Variants in KHDRBS2 observed in about 807,000 individuals in gnomAD.
The protein encoded by KHDRBS2 is KH domain-containing, RNA-binding, signal transduction-associated protein 2.
Under a neutral mutation model 44.3 loss-of-function variants are expected in KHDRBS2, and 26 were observed. The observed-to-expected ratio is 0.59, with a 90% confidence interval of 0.43 to 0.81. The LOEUF (loss-of-function observed/expected upper bound fraction) is 0.81. Ranked by LOEUF, KHDRBS2 falls within the 40% of genes least tolerant of loss-of-function variation. The pLI, the probability that KHDRBS2 is intolerant of heterozygous loss-of-function variation, is 0.00. For synonymous variants in KHDRBS2, 194 were observed against 151.1 expected, an observed-to-expected ratio of 1.28 and a Z score of -2.08; for missense variants, 476 against 433.1, an observed-to-expected ratio of 1.10 and a Z score of -0.88.
chr6:61,567,161 G>C, the KHDRBS2 span, among the ~76,000 whole-genome samples: 1 of 152,152 alleles, frequency 6.6e-6, no homozygotes, highest in Non-Finnish European at 1.5e-5. Flanking sequence ...ATTTCAAAAG[G>C]ATGGATCCCA....
At chr6:61,735,400 A>G (rs1210725364) in intron 6 of KHDRBS2, among the ~76,000 whole-genome samples, 1 of 152,166 alleles carries the variant, frequency 6.6e-6, no homozygotes, top group Non-Finnish European at 1.5e-5. Context: ...AAAAATCACA[A>G]TAAATTCACA....
chr6:61,581,666 T>C, the KHDRBS2 span, among the ~76,000 whole-genome samples: 21 of 149,242 alleles, frequency 1.4e-4, 1 homozygote, highest in South Asian at 4.4e-3. Context: ...AAGACAACTA[T>C]AGTATTATAA....
chr6:61,808,513 A>G (rs1294121792), intron 6 of KHDRBS2, among the ~76,000 whole-genome samples: 3 of 152,180 alleles, frequency 2.0e-5, no homozygotes, highest in Non-Finnish European at 2.9e-5. Context: ...AGTATTGATC[A>G]AGGGTAAATG....
At chr6:62,134,376 C>T (rs559442105) in intron 2 of KHDRBS2, among the ~76,000 whole-genome samples, 1 of 152,202 alleles carries the variant, frequency 6.6e-6, no homozygotes, top group Non-Finnish European at 1.5e-5. Flanking sequence ...TTGGGAACCT[C>T]TGCCTAGATT....
intron 2 of KHDRBS2, among the ~76,000 whole-genome samples, chr6:62,055,631 C>G (rs1257185944): frequency 6.6e-6 from 1 of 151,926 alleles, no homozygotes; most frequent in Non-Finnish European, 1.5e-5. Flanking sequence ...CTTGCAAGAG[C>G]AAAAATAGTG....
At chr6:61,926,249 G>A (rs1429941161) in intron 4 of KHDRBS2, among the ~76,000 whole-genome samples, 2 of 152,110 alleles carry the variant, frequency 1.3e-5, no homozygotes, top group East Asian at 3.9e-4. Context: ...TGTGCAGGAA[G>A]TATTACTTTT....
intron 6 of KHDRBS2, among the ~76,000 whole-genome samples, chr6:61,862,282 C>T (rs1253977043): frequency 6.6e-6 from 1 of 152,106 alleles, no homozygotes; most frequent in African/African-American, 2.4e-5. Context: ...AGTTTGACTT[C>T]CTCTCTTCCT....
chr6:62,074,419 C>G (rs1795921831), intron 2 of KHDRBS2, among the ~76,000 whole-genome samples: 1 of 151,790 alleles, frequency 6.6e-6, no homozygotes, highest in African/African-American at 2.4e-5. Context: ...TGACTATAGT[C>G]CACCATCTTC....
At chr6:61,796,788 A>AT (rs781189608) in intron 6 of KHDRBS2, among the ~76,000 whole-genome samples, 17 of 152,112 alleles carry the variant, frequency 1.1e-4, no homozygotes, top group Non-Finnish European at 2.1e-4. Context: ...AAAAGATGCA[A>AT]TTTTACCCCA....
At chr6:61,607,728 C>T in the KHDRBS2 span, among the ~76,000 whole-genome samples, 16 of 152,042 alleles carry the variant, frequency 1.1e-4, no homozygotes, top group African/African-American at 3.9e-4. Flanking sequence ...TGCTCTGTTG[C>T]CCAGGCTGGA....
chr6:61,945,103 AAAAAAAAAAG>A lies in KHDRBS2; in HGVS notation c.483+32953_483+32962del, dbSNP rs1268987039. Among the ~76,000 whole-genome samples, 96 of 44,804 alleles carry A rather than the reference AAAAAAAAAAG, an allele frequency of 2.1e-3. 1 individual carries two copies. The highest frequency in any genetic ancestry group is 4.5e-3 in the South Asian group (6 of 1,324). The allele number at this position is 44,804 out of a possible 152,430, so 29.4% of individuals were successfully genotyped here. A position where few individuals can be genotyped will look rare whatever the true frequency, so the allele number is the denominator to read the frequency against. On this transcript the variant is annotated intron_variant, in intron 4 of 8. Coordinates refer to ENST00000281156, the MANE Select transcript of KHDRBS2 (RefSeq NM_152688.4). ...GAGACTCTGTCTTAAAAAAAAAAAAAAAAAAAAAAGTATATATATATATATATATATATAT... is the reference window on the plus strand; with the variant it reads ...GAGACTCTGTCTTAAAAAAAAAAAAATATATATATATATATATATATATAT...
At chr6:61,782,712 T>TGC (rs1295939696) in intron 6 of KHDRBS2, among the ~76,000 whole-genome samples, 1 of 129,404 alleles carries the variant, frequency 7.7e-6, no homozygotes, top group Non-Finnish European at 1.6e-5. Context: ...TATATATATA[T>TGC]ATATATATAT....
rs61149139 is a variant in KHDRBS2 at position 61,882,664 on chromosome 6, T to G, written c.810+11971A>C. On this transcript the variant is annotated intron_variant, in intron 6 of 8. Transcript: ENST00000281156. ...CAAAGAACATCTACAGCATCCCTAG[T>G]AAAAGCCTTTGGATCATAAGATATT... Among the ~76,000 whole-genome samples the G allele has an allele frequency of 4.2e-3, 635 of 152,098 alleles. 8 individuals are homozygous for G. Among genetic ancestry groups the G allele is most frequent in the African/African-American group, 0.015 (610 of 41,538 alleles).
intron 2 of KHDRBS2, among the ~76,000 whole-genome samples, chr6:62,070,597 T>C (rs1376951266): frequency 3.9e-5 from 6 of 152,116 alleles, no homozygotes; most frequent in African/African-American, 1.4e-4. Context: ...GTGTTCGGTT[T>C]TTTGTCCTTG....
chr6:61,737,201 C>T (rs1363091165), intron 6 of KHDRBS2, among the ~76,000 whole-genome samples: 2 of 151,958 alleles, frequency 1.3e-5, no homozygotes, highest in East Asian at 1.9e-4. Context: ...ATTTTACTCC[C>T]TCACTTACTC....
chr6:61,571,008 G>GA, the KHDRBS2 span, among the ~76,000 whole-genome samples: 3,740 of 147,462 alleles, frequency 0.025, 72 homozygotes, highest in Middle Eastern at 0.083. Flanking sequence ...ATAACACAAT[G>GA]AAAAAAAAAC....
chr6:62,062,822 A>G (rs1242821711), intron 2 of KHDRBS2, among the ~76,000 whole-genome samples: 9 of 148,628 alleles, frequency 6.1e-5, no homozygotes, highest in Non-Finnish European at 1.3e-4. Flanking sequence ...ACCCTTCAAA[A>G]AATCAATGAA....
intron 1 of KHDRBS2, among the ~76,000 whole-genome samples, chr6:62,201,815 T>C (rs963590198): frequency 2.6e-5 from 4 of 152,116 alleles, no homozygotes; most frequent in Admixed American, 1.3e-4. Flanking sequence ...TCATCATCAA[T>C]AGACTATTGA....
intron 4 of KHDRBS2, among the ~76,000 whole-genome samples, chr6:61,954,856 G>A (rs766649709): frequency 0.27 from 10,934 of 39,810 alleles, 3,339 homozygotes; most frequent in Admixed American, 0.32. Context: ...ATATGCATGT[G>A]TATATACACA....
Sources: gnomAD v4.1 joint callset for allele counts (sites outside exome capture counted in the v4.1 genomes callset) on GRCh38, gnomAD v4.1.1 for gene constraint, MANE v1.5 for transcripts, NCBI Gene and HGNC (gene_info 2026-07-23, HGNC 2026-07-21) for gene names.